Variants in ACCSL observed in about 807,000 individuals in gnomAD.
ACCSL encodes the protein probable inactive 1-aminocyclopropane-1-carboxylate synthase-like protein 2.
Under a neutral mutation model 61.7 loss-of-function variants are expected in ACCSL, and 55 were observed. The ratio of observed to expected loss-of-function variants is 0.89; its 90% CI spans 0.72 to 1.12. ACCSL has a LOEUF of 1.12. Among genes scored for constraint, ACCSL ranks in the 50% most tolerant of loss-of-function variants. The pLI is 0.00. For missense variants in ACCSL, 632 were observed against 698.0 expected (o/e 0.91, Z 1.07); for synonymous variants, 258 against 264.3 (o/e 0.98, Z 0.23).
At chr11:44,008,167 A>G in the ACCSL span, among the ~76,000 whole-genome samples, 1 of 152,146 alleles carries the variant, frequency 6.6e-6, no homozygotes, top group Non-Finnish European at 1.5e-5. Context: ...CCCCAGGATG[A>G]TTCACCTTCT....
chr11:43,955,606 C>G, the ACCSL span, among the ~76,000 whole-genome samples: 1 of 152,020 alleles, frequency 6.6e-6, no homozygotes, highest in Non-Finnish European at 1.5e-5. Flanking sequence ...GGCCACAGGA[C>G]TGGTGGGTGG....
the ACCSL span, chr11:43,942,495 T>A: frequency 4.5e-6 from 1 of 223,446 alleles, no homozygotes; most frequent in South Asian, 4.1e-5. Context: ...GAAGGGGCCG[T>A]TACTTTCCCA....
the ACCSL span, among the ~76,000 whole-genome samples, chr11:44,003,138 C>G: frequency 6.6e-6 from 1 of 152,052 alleles, no homozygotes; most frequent in Non-Finnish European, 1.5e-5. Context: ...TTAGGAGAAG[C>G]TGGTTTTTAA....
At chr11:44,052,879 G>T (rs1952648415) in intron 6 of ACCSL, 112 bp from the exon 7 acceptor site, 1 of 1,439,386 alleles carries the variant, frequency 6.9e-7, no homozygotes, top group African/African-American at 1.4e-5. Context: ...GGGTGGAGAA[G>T]GCATGTGGAC....
the ACCSL span, among the ~76,000 whole-genome samples, chr11:44,008,322 G>A: frequency 6.6e-6 from 1 of 152,212 alleles, no homozygotes; most frequent in African/African-American, 2.4e-5. Flanking sequence ...AGAAAGCTAA[G>A]AGAGGTGACA....
chr11:43,966,527 A>T, the ACCSL span, among the ~76,000 whole-genome samples: 22 of 152,182 alleles, frequency 1.4e-4, no homozygotes, highest in African/African-American at 5.1e-4. Flanking sequence ...AATATTTGCA[A>T]ATCATATATC....
the ACCSL span, among the ~76,000 whole-genome samples, chr11:43,953,156 G>C: frequency 6.6e-6 from 1 of 152,188 alleles, no homozygotes; most frequent in Admixed American, 6.5e-5. Context: ...AGGAGATCAG[G>C]CATTCTTTGT....
chr11:44,015,718 C>T, the ACCSL span, among the ~76,000 whole-genome samples: 202 of 152,276 alleles, frequency 1.3e-3, no homozygotes, highest in African/African-American at 4.4e-3. Flanking sequence ...GAGCTAATTC[C>T]CAGCAGGATG....
At position 44,056,169 on chromosome 11, in the gene ACCSL, G is replaced by T. The variant is rs754070060; in HGVS notation, c.1186-16G>T. On this transcript the variant is annotated splice_polypyrimidine_tract_variant and intron_variant, in intron 10 of 13. Transcript: ENST00000378832. ...AGACAAAACACTTGTTCCTGTTCCT[G>T]CTTTTCTTCCTCTAGGATTTTGGCA... is the stretch of plus-strand genomic sequence containing the variant. 3.7e-6 allele frequency: 6 copies of T among 1,614,068 alleles called. No individual in the cohort carries two copies. The East Asian group carries it at 1.3e-4, about 36-fold the overall frequency.
At chr11:43,961,858 T>C in the ACCSL span, among the ~76,000 whole-genome samples, 2 of 152,206 alleles carry the variant, frequency 1.3e-5, no homozygotes, top group South Asian at 2.1e-4. Context: ...TAAATGACTT[T>C]GTAACTTTAC....
the ACCSL span, among the ~76,000 whole-genome samples, chr11:43,991,324 G>A: frequency 6.6e-6 from 1 of 152,214 alleles, no homozygotes; most frequent in Non-Finnish European, 1.5e-5. Flanking sequence ...TGCAAAATGA[G>A]ATCACAGAAA....
At chr11:43,991,822 C>T in the ACCSL span, among the ~76,000 whole-genome samples, 2 of 151,880 alleles carry the variant, frequency 1.3e-5, no homozygotes, top group Non-Finnish European at 2.9e-5. Flanking sequence ...CAATCCGCAC[C>T]TCCCCCAAAG....
rs1362972485 is a variant in ACCSL, at chr11:44,052,698, T to C, written c.809T>C (p.Phe270Ser). ...FLVPAPFYGG[F>S]AFSSRLYAKV... ...GTCCCTGCTCCCTTCTATGGTGGCTTTGCCTTTAGCTCCCGCCTGTATGCA... is the reference window on the plus strand; with the variant it reads ...GTCCCTGCTCCCTTCTATGGTGGCTCTGCCTTTAGCTCCCGCCTGTATGCA... Residue 270 changes from phenylalanine (F) to serine (S), a missense_variant, in exon 6 of 14, where the codon TTT becomes TCT. Transcript: ENST00000378832. The C allele has an allele frequency of 6.2e-7, 1 of 1,614,206 alleles. No individual in the cohort carries two copies. The highest frequency in any genetic ancestry group is 1.1e-5 in the South Asian group (1 of 91,084).
chr11:44,028,581 C>G, the ACCSL span, among the ~76,000 whole-genome samples: 1 of 152,202 alleles, frequency 6.6e-6, no homozygotes, highest in East Asian at 1.9e-4. Context: ...CCAGCATCCT[C>G]TAGTCATCCC....
At chr11:44,017,708 GCAT>G in the ACCSL span, among the ~76,000 whole-genome samples, 2 of 152,178 alleles carry the variant, frequency 1.3e-5, no homozygotes, top group African/African-American at 4.8e-5. Flanking sequence ...TTGAAAGTGG[GCAT>G]CATAAGAGCT....
At chr11:44,035,729 G>C in the ACCSL span, among the ~76,000 whole-genome samples, 4 of 152,022 alleles carry the variant, frequency 2.6e-5, no homozygotes, top group Non-Finnish European at 5.9e-5. Flanking sequence ...CTTGAGGCCA[G>C]GAGTTTGAGA....
At chr11:43,943,577 G>A in the ACCSL span, 83 of 1,312,818 alleles carry the variant, frequency 6.3e-5, no homozygotes, top group Non-Finnish European at 7.8e-5. This position sits in a 1 kb window ranked among gnomAD's most constrained non-coding sequence, Gnocchi z 4.8. Flanking sequence ...GCGCTGAGTC[G>A]GCGGCGGGTA....
At chr11:43,982,842 G>C in the ACCSL span, among the ~76,000 whole-genome samples, 1 of 152,320 alleles carries the variant, frequency 6.6e-6, no homozygotes, top group South Asian at 2.1e-4. Flanking sequence ...AGTGCTCTTG[G>C]GATTCACACG....
At chr11:44,008,099 C>CA in the ACCSL span, among the ~76,000 whole-genome samples, 1 of 152,164 alleles carries the variant, frequency 6.6e-6, no homozygotes, top group Non-Finnish European at 1.5e-5. Context: ...TTGTCCCCAT[C>CA]AACCTGGACA....
Sources: gnomAD v4.1 joint callset for allele counts (sites outside exome capture counted in the v4.1 genomes callset) on GRCh38, gnomAD v4.1.1 for gene constraint, Gnocchi (gnomAD v3.1) non-coding constraint, MANE v1.5 for transcripts, NCBI Gene and HGNC (gene_info 2026-07-23, HGNC 2026-07-21) for gene names.